The following NACAD variants were observed in gnomAD, a reference collection of about 807,000 sequenced individuals.
NACAD encodes the protein NAC-alpha domain-containing protein 1.
In NACAD, 47 loss-of-function variants were observed where a neutral mutation model predicts 98.9. That is an observed-to-expected ratio of 0.48 (90% confidence interval 0.38 to 0.61). The LOEUF is 0.61. Ranked by LOEUF, NACAD falls within the 20% of genes least tolerant of loss-of-function variation. NACAD has a pLI of 0.00. For synonymous variants in NACAD, 696 were observed against 767.2 expected (o/e 0.91, Z 1.53); for missense variants, 1,412 against 1,748.2 (o/e 0.81, Z 3.43).
At chr7:45,081,401 A>G (rs979967852) in intron 4 of NACAD, 138 bp from the exon 5 acceptor site, 17 of 1,328,892 alleles carry the variant, frequency 1.3e-5, no homozygotes, top group Non-Finnish European at 1.7e-5. Context: ...GTCCTTCCCC[A>G]TGAGCCTCAG....
chr7:45,086,559 G>A (rs967095310), intron 1 of NACAD, among the ~76,000 whole-genome samples: 4 of 152,240 alleles, frequency 2.6e-5, no homozygotes, highest in African/African-American at 9.6e-5. Context: ...CGCCACATGA[G>A]GCAGGTGGCA....
At position 45,081,885 on chromosome 7, in the gene NACAD, T is replaced by A; in HGVS notation, c.4073-18A>T. 1 of 1,539,174 alleles carries A rather than the reference T, an allele frequency of 6.5e-7. No individual in the cohort carries two copies. Among genetic ancestry groups the A allele is most frequent in the South Asian group, 1.2e-5 (1 of 83,862 alleles). ...AGGCGAGTCTGGGGAAGGGGAGAGG[T>A]GTGAGGATGGCCTTTTGCTTCTAGG... On this transcript the variant is annotated intron_variant, in intron 2 of 7. Coordinates refer to ENST00000490531, the MANE Select transcript of NACAD (RefSeq NM_001146334.2).
intron 6 of NACAD, 43 bp downstream of exon 6, chr7:45,080,833 C>A: frequency 6.5e-7 from 1 of 1,549,566 alleles, no homozygotes. Flanking sequence ...CATGTAGCGC[C>A]TCCCACCACC....
chr7:45,081,091 C>T, intron 5 of NACAD, 26 bp downstream of exon 5: 1 of 1,551,166 alleles, frequency 6.4e-7, no homozygotes, highest in African/African-American at 1.4e-5. Context: ...TCGGATCCCC[C>T]ATTCCACCAC....
chr7:45,081,066 C>T (rs2128640132), intron 5 of NACAD, 44 bp from the exon 6 acceptor site: 2 of 1,550,892 alleles, frequency 1.3e-6, no homozygotes, highest in Non-Finnish European at 1.7e-6. Flanking sequence ...CTGTCCCCCC[C>T]TTGTCCCCTA....
At position 45,088,821 on chromosome 7, in the gene NACAD, G is replaced by T; in HGVS notation, c.67+7C>A. 1 of 1,491,580 alleles carries T rather than the reference G, an allele frequency of 6.7e-7. No individual in the cohort carries two copies. The highest frequency in any genetic ancestry group is 8.9e-7 in the Non-Finnish European group (1 of 1,125,792). 92.4% of individuals were successfully genotyped at this position (1,491,580 alleles called of 1,614,324 possible). On this transcript the variant is annotated splice_region_variant and intron_variant, in intron 1 of 7. Transcript: ENST00000490531. This position sits in a 1 kb window ranked among gnomAD's most constrained non-coding sequence, Gnocchi z 5.7. The stretch of plus-strand genomic sequence containing the variant: ...TGAAGGCAGGGAAAGAGTGGCCACG[G>T]CCTCACCTGTGCGGGGCCCGGGTCG...
rs1241158242 is a variant in NACAD, at chr7:45,081,104, C to T, written c.4404+13G>A. On this transcript the variant is annotated intron_variant, in intron 5 of 7. Coordinates refer to ENST00000490531, the MANE Select transcript of NACAD (RefSeq NM_001146334.2). ...CCTCGGATCCCCCATTCCACCACAG[C>T]CGCCACCCAGACCTTGGCCTCGCCA... The T allele has an allele frequency of 3.9e-6, 6 of 1,551,260 alleles. No homozygotes were observed. The highest frequency in any genetic ancestry group is 5.2e-6 in the Non-Finnish European group (6 of 1,146,882).
Position 45,080,491 on chromosome 7 carries a change from C to T in NACAD, c.*18G>A. The T allele has an allele frequency of 6.4e-7, 1 of 1,551,446 alleles. No individual in the cohort carries two copies. Among genetic ancestry groups the T allele is most frequent in the African/African-American group, 1.4e-5 (1 of 73,110 alleles). The stretch of plus-strand genomic sequence containing the variant: ...AGCTGAGGGAAGGCGTAGGATGGCT[C>T]CAGCTTCCGGTCAGTGGCTACATGG... On this transcript the variant is annotated 3_prime_UTR_variant, in exon 8 of 8. Transcript: ENST00000490531.
Position 45,083,444 on chromosome 7 carries a change from C to T in NACAD, c.2736G>A (p.Glu912=), listed in dbSNP as rs937697219. 1 of 1,547,434 alleles carries T rather than the reference C, an allele frequency of 6.5e-7. No individual in the cohort carries two copies. The highest frequency in any genetic ancestry group is 2.0e-5 in the Admixed American group (1 of 50,762). ...CGGAGTCCTGGGGTAAGGTGAGGCCCTCTTCAGCCTGCTGGGACACAGGCG... is the reference window on the plus strand; with the variant it reads ...CGGAGTCCTGGGGTAAGGTGAGGCCTTCTTCAGCCTGCTGGGACACAGGCG... The part of the protein sequence containing the change: ...AATPVSQQAE[E]GLTLPQDSAM... The change falls in exon 2 of 8, where the codon GAG becomes GAA. Residue 912 remains glutamate, a synonymous_variant. Transcript: ENST00000490531.
In NACAD at chr7:45,085,275, T is replaced by C. The variant is rs780555846; in HGVS notation, c.905A>G (p.Asn302Ser). The change falls in exon 2 of 8, where the codon AAT (asparagine) becomes AGT (serine). Residue 302 changes from asparagine to serine, a missense_variant. By Grantham distance (46) the Asn-to-Ser change is conservative (BLOSUM62 1). Around this residue, in one of 5 missense-constraint regions of NACAD, gnomAD observed 638 missense variants for 722.7 expected, o/e 0.88. Transcript: ENST00000490531. This position sits in a 1 kb window ranked among gnomAD's most constrained non-coding sequence, Gnocchi z 6.1. ...GHFFDLDFLA[N>S]DPMIPAALLP... ...GAGGGCTGCGGGGATCATTGGGTCATTGGCCAGGAAGTCCAGGTCGAAGAA... is the reference window on the plus strand; with the variant it reads ...GAGGGCTGCGGGGATCATTGGGTCACTGGCCAGGAAGTCCAGGTCGAAGAA... 25 of 1,551,322 alleles carry C rather than the reference T, an allele frequency of 1.6e-5. No individual in the cohort carries two copies. The highest frequency in any genetic ancestry group is 1.1e-4 in the South Asian group (9 of 84,066).
Position 45,085,139 on chromosome 7 carries a change from G to T in NACAD, c.1041C>A (p.Asp347Glu), listed in dbSNP as rs1157088462. The T allele has an allele frequency of 6.4e-7, 1 of 1,550,842 alleles. No individual in the cohort carries two copies. Among genetic ancestry groups the T allele is most frequent in the South Asian group, 1.2e-5 (1 of 83,992 alleles). The change falls in exon 2 of 8, where the codon GAC (aspartate) becomes GAA (glutamate). Residue 347 changes from aspartate (D) to glutamate (E), a missense_variant. By Grantham distance (45) the Asp-to-Glu change is conservative. Transcript: ENST00000490531. The surrounding 1 kb of genome is among the most constrained non-coding windows in gnomAD (Gnocchi z 6.1). Reference sequence around the variant, plus strand: ...TGTCCTCCTCACCCTCCCCAGCCAGGTCCCCACCTGGGTCGGGATCCGCCA... The same window carrying T: ...TGTCCTCCTCACCCTCCCCAGCCAGTTCCCCACCTGGGTCGGGATCCGCCA... The part of the protein sequence containing the change: ...EAVADPDPGG[D>E]LAGEGEEDST...
Position 45,085,059 on chromosome 7 carries a change from A to C in NACAD, c.1121T>G (p.Met374Arg), listed in dbSNP as rs896173658. The C allele has an allele frequency of 6.4e-7, 1 of 1,551,050 alleles. No individual in the cohort carries two copies. The highest frequency in any genetic ancestry group is 2.4e-5 in the East Asian group (1 of 40,886). ...GTCCCGGAAGGCAAAAGCCTCGTCC[A>C]TGCCCTCCGTGATGGACAGGTCAGA... ...SLSDLSITEGMDEAFAFRDDT... is the reference protein window; with the variant it reads ...SLSDLSITEGRDEAFAFRDDT... Residue 374 changes from methionine to arginine, a missense_variant, in exon 2 of 8, where the codon ATG becomes AGG. By Grantham distance (91) the Met-to-Arg change is moderately conservative (BLOSUM62 -1). Transcript: ENST00000490531. The surrounding 1 kb of genome is among the most constrained non-coding windows in gnomAD (Gnocchi z 6.1).
rs1562928538 is a variant in NACAD, at chr7:45,085,115, GTCC to G, written c.1062_1064del (p.Glu354del). 2 of 1,551,104 alleles carry G rather than the reference GTCC, an allele frequency of 1.3e-6. No homozygotes were observed. Among genetic ancestry groups the G allele is most frequent in the Non-Finnish European group, 1.7e-6 (2 of 1,146,890 alleles). On this transcript the variant is annotated inframe_deletion, in exon 2 of 8. Coordinates refer to ENST00000490531, the MANE Select transcript of NACAD (RefSeq NM_001146334.2). This position sits in a 1 kb window ranked among gnomAD's most constrained non-coding sequence, Gnocchi z 6.1. Reference sequence around the variant, plus strand: ...ACTGCAGGAAGGAGGCAGACGTGCTGTCCTCCTCACCCTCCCCAGCCAGGTCCC... The same window carrying G: ...ACTGCAGGAAGGAGGCAGACGTGCTGTCCTCACCCTCCCCAGCCAGGTCCC...
intron 2 of NACAD, 98 bp downstream of exon 2, chr7:45,081,989 GCTGTGGGGTCTGGGCCCCCCA>G: frequency 6.9e-7 from 1 of 1,443,208 alleles, no homozygotes; most frequent in African/African-American, 1.4e-5. Flanking sequence ...CTCCATGGTG[GCTGTGGGGTCTGGGCCCCCCA>G]CCTCGCCACC....
At chr7:45,081,402 T>C (rs1291836262) in intron 4 of NACAD, 139 bp from the exon 5 acceptor site, 1 of 1,317,420 alleles carries the variant, frequency 7.6e-7, no homozygotes, top group Non-Finnish European at 1.0e-6. Context: ...TCCTTCCCCA[T>C]GAGCCTCAGT....
chr7:45,085,482 G>C lies in NACAD; in HGVS notation c.698C>G (p.Ser233Cys). The C allele has an allele frequency of 6.4e-7, 1 of 1,550,828 alleles. No individual in the cohort carries two copies. The highest frequency in any genetic ancestry group is 8.7e-7 in the Non-Finnish European group (1 of 1,146,934). The change falls in exon 2 of 8, where the codon TCC becomes TGC. Residue 233 changes from serine (S) to cysteine (C), a missense_variant. By Grantham distance (112) the Ser-to-Cys change is moderately radical. Coordinates refer to ENST00000490531, the MANE Select transcript of NACAD (RefSeq NM_001146334.2). The surrounding 1 kb of genome is among the most constrained non-coding windows in gnomAD (Gnocchi z 6.1). Reference sequence around the variant, plus strand: ...CGGAGCCAGCAGGCTGAGGGAACAGGAGGGTGAAGAGGCCCAGCTGTCCCC... The same window carrying C: ...CGGAGCCAGCAGGCTGAGGGAACAGCAGGGTGAAGAGGCCCAGCTGTCCCC... ...ADGDSWASSP[S>C]CSLSLLAPAE...
In NACAD at chr7:45,085,485, G is replaced by T; in HGVS notation, c.695C>A (p.Pro232His). Residue 232 changes from proline to histidine, a missense_variant, in exon 2 of 8, where the codon CCC becomes CAC. This residue lies in a region of NACAD where 638 missense variants were observed against 722.7 expected (regional missense o/e 0.88). Transcript: ENST00000490531. The surrounding 1 kb of genome is among the most constrained non-coding windows in gnomAD (Gnocchi z 6.1). ...AGCCAGCAGGCTGAGGGAACAGGAGGGTGAAGAGGCCCAGCTGTCCCCATC... is the reference window on the plus strand; with the variant it reads ...AGCCAGCAGGCTGAGGGAACAGGAGTGTGAAGAGGCCCAGCTGTCCCCATC... ...TADGDSWASS[P>H]SCSLSLLAPA... The T allele has an allele frequency of 6.4e-7, 1 of 1,550,814 alleles. No homozygotes were observed. The highest frequency in any genetic ancestry group is 8.7e-7 in the Non-Finnish European group (1 of 1,146,932).
rs1225320506 is a variant in NACAD, at chr7:45,084,819, C to T, written c.1361G>A (p.Arg454Lys). 6.4e-7 allele frequency: 1 copy of T among 1,550,932 alleles called. No homozygotes were observed. Among genetic ancestry groups the T allele is most frequent in the East Asian group, 2.4e-5 (1 of 40,898 alleles). The change falls in exon 2 of 8, where the codon AGA becomes AAA. Residue 454 changes from arginine to lysine, a missense_variant. Coordinates refer to ENST00000490531, the MANE Select transcript of NACAD (RefSeq NM_001146334.2). ...CTGTCTCTGGGACAGATAGGCCCCT[C>T]TGTCTGAGGTCTGAGGAGCAGCCTC... ...AVEAAPQTSD[R>K]GAYLSQRQEL...
At position 45,085,038 on chromosome 7, in the gene NACAD, C is replaced by A; in HGVS notation, c.1142G>T (p.Arg381Leu). 1 of 1,550,832 alleles carries A rather than the reference C, an allele frequency of 6.4e-7. No individual in the cohort carries two copies. The highest frequency in any genetic ancestry group is 8.7e-7 in the Non-Finnish European group (1 of 1,146,846). The part of the protein sequence containing the change: ...TEGMDEAFAF[R>L]DDTSAASSDS... ...AGAGGAGGCTGCAGAGGTGTCGTCC[C>A]GGAAGGCAAAAGCCTCGTCCATGCC... The change falls in exon 2 of 8, where the codon CGG becomes CTG. Residue 381 changes from arginine (R) to leucine (L), a missense_variant. Around this residue, in one of 5 missense-constraint regions of NACAD, gnomAD observed 638 missense variants for 722.7 expected, o/e 0.88. Transcript: ENST00000490531. This position sits in a 1 kb window ranked among gnomAD's most constrained non-coding sequence, Gnocchi z 6.1.
Sources: allele counts gnomAD v4.1 joint callset (sites outside exome capture counted in the v4.1 genomes callset), GRCh38; gene constraint gnomAD v4.1.1; regional missense constraint gnomAD v4.1.1; non-coding constraint Gnocchi (gnomAD v3.1); transcripts MANE v1.5; gene names NCBI Gene and HGNC (gene_info 2026-07-23, HGNC 2026-07-21).